Variants in RIMKLA observed in about 807,000 individuals in gnomAD.
RIMKLA encodes N-acetylaspartylglutamate synthase A.
A neutral mutation model predicts 32.7 loss-of-function variants in RIMKLA; 14 were observed. The ratio of observed to expected loss-of-function variants is 0.43; its 90% confidence interval spans 0.28 to 0.67. The LOEUF (loss-of-function observed/expected upper bound fraction) is 0.67, where lower values mean the gene tolerates loss of function less well. Ranked by LOEUF, RIMKLA falls within the 30% of genes least tolerant of loss-of-function variation. The pLI, the probability that RIMKLA is intolerant of heterozygous loss-of-function variation, is 0.18. For missense variants in RIMKLA, 410 were observed against 519.0 expected, an observed-to-expected ratio of 0.79 and a Z score of 2.04; for synonymous variants, 176 against 204.1, an observed-to-expected ratio of 0.86 and a Z score of 1.18.
intron 3 of RIMKLA, among the ~76,000 whole-genome samples, chr1:42,408,902 T>C (rs1643171718): frequency 6.6e-6 from 1 of 152,064 alleles, no homozygotes. Flanking sequence ...TGTTAACTAA[T>C]ATATCAATGG....
Position 42,385,899 on chromosome 1 carries a change from C to CT in RIMKLA, c.163+4804dup, listed in dbSNP as rs1557750139. 2.2e-3 allele frequency among the ~76,000 whole-genome samples: 52 copies of CT among 23,976 alleles called. 1 individual carries two copies. Among genetic ancestry groups the CT allele is most frequent in the South Asian group, 7.3e-3 (6 of 818 alleles). The allele number at this position is 23,976 out of a possible 152,430, so 15.7% of individuals were successfully genotyped here. ...CTTTCTTTCTTTCTTTCTTTCTTTCCTTCTTTCCTTCTTTCCTTCTTTCTT... is the reference window on the plus strand; with the variant it reads ...CTTTCTTTCTTTCTTTCTTTCTTTCCTTTCTTTCCTTCTTTCCTTCTTTCTT... On this transcript the variant is annotated intron_variant, in intron 1 of 4. Transcript: ENST00000431473.
chr1:42,414,200 A>G (rs1009285929), intron 4 of RIMKLA, among the ~76,000 whole-genome samples: 2 of 151,780 alleles, frequency 1.3e-5, no homozygotes, highest in South Asian at 2.1e-4. Context: ...TGTATTTTAA[A>G]TAATACTGCC....
intron 2 of RIMKLA, among the ~76,000 whole-genome samples, chr1:42,401,448 C>CT (rs1179685555): frequency 4.1e-5 from 3 of 73,118 alleles, no homozygotes; most frequent in African/African-American, 1.6e-4. Flanking sequence ...GACTCCATGT[C>CT]TAAAAAAAAA....
Position 42,417,462 on chromosome 1 carries a change from A to G in RIMKLA, c.*2488A>G, listed in dbSNP as rs1462977641. On this transcript the variant is annotated 3_prime_UTR_variant, in exon 5 of 5. Coordinates refer to ENST00000431473, the MANE Select transcript of RIMKLA (RefSeq NM_173642.4). ...GAAGGAACATGGGGTGTAGAGCCAG[A>G]GCCTGGTTCTGGTTCTCCGCTTGAA... The G allele has an allele frequency of 6.6e-6, 1 of 152,164 alleles. No homozygotes were observed. The highest frequency in any genetic ancestry group is 2.4e-5 in the African/African-American group (1 of 41,472). The allele number at this position is 152,164 out of a possible 1,614,324, so 9.4% of individuals were successfully genotyped here.
At chr1:42,381,124 A>G (rs1642884471) in intron 1 of RIMKLA, 27 bp downstream of exon 1, 2 of 1,242,686 alleles carry the variant, frequency 1.6e-6, no homozygotes, top group South Asian at 3.4e-5. Context: ...CGGGGAGGGC[A>G]GGGAGGCGCG....
chr1:42,391,899 GT>G, intron 1 of RIMKLA, among the ~76,000 whole-genome samples: 1 of 152,224 alleles, frequency 6.6e-6, no homozygotes, highest in Middle Eastern at 3.4e-3. Context: ...CGATTTTTGT[GT>G]CTTGCCAAGC....
At position 42,418,677 on chromosome 1, in the gene RIMKLA, G is replaced by C. The variant is rs1399136354; in HGVS notation, c.*3703G>C. The C allele has an allele frequency of 6.6e-6, 1 of 152,368 alleles. No homozygotes were observed. The highest frequency in any genetic ancestry group is 1.9e-4 in the East Asian group (1 of 5,194). The allele number at this position is 152,368 out of a possible 1,614,324, so 9.4% of individuals were successfully genotyped here. ...GGATTTCCATCCACCCTGGAGAAGT[G>C]GGGGAGATGTGCTTCCTCCCTTCTT... On this transcript the variant is annotated 3_prime_UTR_variant, in exon 5 of 5. Transcript: ENST00000431473.
Position 42,417,425 on chromosome 1 carries a change from C to T in RIMKLA, c.*2451C>T, listed in dbSNP as rs1243257527. 6.6e-6 allele frequency: 1 copy of T among 152,234 alleles called. No homozygotes were observed. Among genetic ancestry groups the T allele is most frequent in the Non-Finnish European group, 1.5e-5 (1 of 68,064 alleles). 9.4% of individuals were successfully genotyped at this position (152,234 alleles called of 1,614,324 possible). On this transcript the variant is annotated 3_prime_UTR_variant, in exon 5 of 5. Transcript: ENST00000431473. ...CCAGGCTATACTTGTCACAGCTGGC[C>T]ACAGGCCTGCTGAAGGAACATGGGG...
intron 2 of RIMKLA, among the ~76,000 whole-genome samples, chr1:42,400,681 A>T (rs949045272): frequency 1.3e-5 from 2 of 152,184 alleles, no homozygotes; most frequent in African/African-American, 4.8e-5. Flanking sequence ...GTGAAGGATT[A>T]TAGGGGAGAG....
At chr1:42,402,297 T>C (rs75254085) in intron 2 of RIMKLA, among the ~76,000 whole-genome samples, 26,955 of 151,970 alleles carry the variant, frequency 0.18, 2,491 homozygotes, top group East Asian at 0.22. Flanking sequence ...GCAGATGGAG[T>C]TGGTTGCTAA....
chr1:42,412,676 C>A, intron 4 of RIMKLA: 4 of 480,614 alleles, frequency 8.3e-6, no homozygotes, highest in South Asian at 1.5e-5. Context: ...TATGCTTTGT[C>A]ATCAGTTAGA....
chr1:42,418,198 T>G lies in RIMKLA; in HGVS notation c.*3224T>G, dbSNP rs992458958. On this transcript the variant is annotated 3_prime_UTR_variant, in exon 5 of 5. Coordinates refer to ENST00000431473, the MANE Select transcript of RIMKLA (RefSeq NM_173642.4). ...CAGTGTCTGTATATGGTCTTCCCAT[T>G]ATCTGGTAGTAGCATCTTGAAACTG... 3 of 152,246 alleles carry G rather than the reference T, an allele frequency of 2.0e-5. No individual in the cohort carries two copies. Among genetic ancestry groups the G allele is most frequent in the Non-Finnish European group, 4.4e-5 (3 of 68,062 alleles). The allele number at this position is 152,246 out of a possible 1,614,324, so 9.4% of individuals were successfully genotyped here.
chr1:42,400,211 TA>T (rs1472533994), intron 2 of RIMKLA, among the ~76,000 whole-genome samples: 1 of 149,894 alleles, frequency 6.7e-6, no homozygotes, highest in African/African-American at 2.5e-5. Flanking sequence ...TGTAGAATGT[TA>T]AGAGAGATAT....
chr1:42,399,762 T>G, intron 2 of RIMKLA, 128 bp downstream of exon 2: 1 of 644,318 alleles, frequency 1.6e-6, no homozygotes, highest in East Asian at 2.7e-5. Flanking sequence ...ATCTGAAATC[T>G]TTATCCTGGC....
At position 42,380,794 on chromosome 1, in the gene RIMKLA, A is replaced by G. The variant is rs1165329685; in HGVS notation, c.-141A>G. 2 of 296,494 alleles carry G rather than the reference A, an allele frequency of 6.7e-6. No individual in the cohort carries two copies. The highest frequency in any genetic ancestry group is 1.3e-4 in the South Asian group (1 of 7,430). 18.4% of individuals were successfully genotyped at this position (296,494 alleles called of 1,614,324 possible). A position where few individuals can be genotyped will look rare whatever the true frequency, so the allele number is the denominator to read the frequency against. The stretch of plus-strand genomic sequence containing the variant: ...GGCGGATTCGCTGGGTCAGGGCTGC[A>G]GAGACGCCTGGCGCACCCGCGGGAG... On this transcript the variant is annotated 5_prime_UTR_variant, in exon 1 of 5. Coordinates refer to ENST00000431473, the MANE Select transcript of RIMKLA (RefSeq NM_173642.4).
At chr1:42,414,413 C>T (rs1351685490) in intron 4 of RIMKLA, 71 bp from the exon 5 acceptor site, 3 of 1,519,594 alleles carry the variant, frequency 2.0e-6, no homozygotes, top group South Asian at 2.5e-5. Flanking sequence ...CTGGGCAGAT[C>T]CCTGTCTCTT....
intron 3 of RIMKLA, among the ~76,000 whole-genome samples, chr1:42,408,904 T>C (rs535787543): frequency 2.0e-5 from 3 of 152,188 alleles, no homozygotes; most frequent in African/African-American, 4.8e-5. Flanking sequence ...TTAACTAATA[T>C]ATCAATGGAA....
At chr1:42,381,577 C>CTAGAA (rs1408678960) in intron 1 of RIMKLA, among the ~76,000 whole-genome samples, 1 of 152,186 alleles carries the variant, frequency 6.6e-6, no homozygotes, top group Non-Finnish European at 1.5e-5. Flanking sequence ...TATTTCCAAA[C>CTAGAA]TAGAAAGCCA....
intron 1 of RIMKLA, among the ~76,000 whole-genome samples, chr1:42,385,755 CTTTCTTTCTTTCTT>C (rs1395439925): frequency 9.2e-5 from 9 of 97,328 alleles, no homozygotes; most frequent in Admixed American, 1.9e-4. Flanking sequence ...TTCTTTCTTT[CTTTCTTTCTTTCTT>C]TGTTTCTTTG....
Sources: gnomAD v4.1 joint callset for allele counts (sites outside exome capture counted in the v4.1 genomes callset) on GRCh38, gnomAD v4.1.1 for gene constraint, MANE v1.5 for transcripts, NCBI Gene and HGNC (gene_info 2026-07-23, HGNC 2026-07-21) for gene names.